The following CYTH2 variants were observed in gnomAD, a reference collection of about 807,000 sequenced individuals.
The protein encoded by CYTH2 is cytohesin-2.
Under a neutral mutation model 55.4 loss-of-function variants are expected in CYTH2, and 24 were observed. The ratio of observed to expected loss-of-function variants is 0.43; its 90% CI spans 0.31 to 0.61. The LOEUF is 0.61. Among genes scored for constraint, CYTH2 ranks in the 20% least tolerant of loss-of-function variants. The probability of loss-of-function intolerance (pLI) is 0.08; values close to 1 mark genes in which losing one functional copy is unlikely to be tolerated. For missense variants in CYTH2, 378 were observed against 533.5 expected (o/e 0.71, Z 2.87); for synonymous variants, 221 against 209.6 (o/e 1.05, Z -0.47).
chr19:48,474,026 C>A lies in CYTH2; in HGVS notation c.547+9C>A, dbSNP rs369066635. 9 of 1,598,058 alleles carry A rather than the reference C, an allele frequency of 5.6e-6. No homozygotes were observed. Among genetic ancestry groups the A allele is most frequent in the Non-Finnish European group, 4.3e-6 (5 of 1,172,690 alleles). On this transcript the variant is annotated intron_variant, in intron 6 of 11. Transcript: ENST00000452733. The surrounding 1 kb of genome is among the most constrained non-coding windows in gnomAD (Gnocchi z 4.9). The stretch of plus-strand genomic sequence containing the variant: ...GGTTTTCCAGTCCACAGGTGCGGGC[C>A]CCAAATCCTGGGTCCTGGGAAAGAG...
rs1357116763 is a variant in CYTH2 at position 48,470,459 on chromosome 19, A to G, written c.126A>G (p.Glu42=). The G allele has an allele frequency of 6.2e-7, 1 of 1,613,968 alleles. No homozygotes were observed. Among genetic ancestry groups the G allele is most frequent in the Non-Finnish European group, 8.5e-7 (1 of 1,179,992 alleles). The change falls in exon 2 of 12, where the codon GAA becomes GAG. Residue 42 remains glutamate (E), a synonymous_variant. Coordinates refer to ENST00000452733, the MANE Select transcript of CYTH2 (RefSeq NM_004228.7). The part of the protein sequence containing the change: ...EIQRLREELS[E]AMSEVEGLEA... The stretch of plus-strand genomic sequence containing the variant: ...AGCGCCTGCGGGAGGAGCTCAGTGA[A>G]GCCATGAGCGAGGTGGAGGGGCTGG...
chr19:48,474,940 C>G lies in CYTH2; in HGVS notation c.799C>G (p.Leu267Val). 1 of 1,614,230 alleles carries G rather than the reference C, an allele frequency of 6.2e-7. No homozygotes were observed. The highest frequency in any genetic ancestry group is 1.7e-5 in the Admixed American group (1 of 60,022). ...CAACCCGGACCGGGAGGGCTGGCTC[C>G]TGAAGCTGGGTACGTGCCCTCCCGA... is the stretch of plus-strand genomic sequence containing the variant. ...FFNPDREGWL[L>V]KLGGRVKTWK... is the part of the protein sequence containing the mutation. Residue 267 changes from leucine to valine, a missense_variant, in exon 8 of 12, where the codon CTG becomes GTG. Transcript: ENST00000452733. The surrounding 1 kb of genome is among the most constrained non-coding windows in gnomAD (Gnocchi z 4.9).
rs1394198902 is a variant in CYTH2, at chr19:48,481,709, C to G, written c.*2499C>G. The G allele has an allele frequency of 6.5e-6, 1 of 153,460 alleles. No homozygotes were observed. The highest frequency in any genetic ancestry group is 1.5e-5 in the Non-Finnish European group (1 of 68,868). 9.5% of individuals were successfully genotyped at this position (153,460 alleles called of 1,614,324 possible). A position where few individuals can be genotyped will look rare whatever the true frequency, so the allele number is the denominator to read the frequency against. On this transcript the variant is annotated 3_prime_UTR_variant, in exon 12 of 12. Transcript: ENST00000452733. The stretch of plus-strand genomic sequence containing the variant: ...TGTATTTTTAGTAGAGACGGGGTTT[C>G]ACCATATTGGCCAAGCTGGTCTCGA...
chr19:48,475,060 G>A (rs978359441), intron 8 of CYTH2, 111 bp downstream of exon 8: 6 of 955,038 alleles, frequency 6.3e-6, no homozygotes, highest in South Asian at 4.8e-5. Context: ...CAAATGATTC[G>A]ACCTCTCTGA....
chr19:48,470,540 G>C, intron 2 of CYTH2, 40 bp downstream of exon 2: 4 of 1,614,000 alleles, frequency 2.5e-6, no homozygotes, highest in Non-Finnish European at 3.4e-6. Context: ...CGTGGGGTTG[G>C]CTGAGGCCAG....
At chr19:48,473,848 A>C in intron 5 of CYTH2, 57 bp from the exon 6 acceptor site, 1 of 1,371,022 alleles carries the variant, frequency 7.3e-7, no homozygotes, top group South Asian at 1.4e-5. Context: ...AGGGACTGAG[A>C]GTGGGGACAG....
chr19:48,471,269 AG>A (rs1327875888), intron 3 of CYTH2, among the ~76,000 whole-genome samples: 1 of 151,534 alleles, frequency 6.6e-6, no homozygotes, highest in African/African-American at 2.4e-5. Flanking sequence ...CTCCTGCCTC[AG>A]CCTCCCAAGT....
At chr19:48,478,997 G>A (rs1971997884) in intron 11 of CYTH2, 126 bp from the exon 12 acceptor site, 1 of 919,636 alleles carries the variant, frequency 1.1e-6, no homozygotes, top group Non-Finnish European at 1.7e-6. Flanking sequence ...GAGGGGCCGG[G>A]GGCCTGGACT....
intron 4 of CYTH2, 81 bp downstream of exon 4, chr19:48,472,524 C>T: frequency 8.8e-7 from 1 of 1,131,758 alleles, no homozygotes; most frequent in African/African-American, 1.5e-5. Context: ...TGGCAGCTCA[C>T]AGGTGGAACA....
At chr19:48,469,759 G>T in intron 1 of CYTH2, 1 of 590,628 alleles carries the variant, frequency 1.7e-6, no homozygotes. Flanking sequence ...GGAGGGGCGG[G>T]ATGGAGTGGT....
intron 5 of CYTH2, 178 bp from the exon 6 acceptor site, chr19:48,473,727 C>G: frequency 1.6e-6 from 1 of 615,620 alleles, no homozygotes; most frequent in Non-Finnish European, 2.9e-6. Context: ...TGTAGGGATT[C>G]ACAACACTCC....
At chr19:48,475,302 C>T (rs1601024961) in intron 8 of CYTH2, 2 of 225,680 alleles carry the variant, frequency 8.9e-6, no homozygotes, top group Non-Finnish European at 1.7e-5. Flanking sequence ...TAACCCAGCC[C>T]GAGGGAGCCA....
chr19:48,474,060 G>T lies in CYTH2; in HGVS notation c.547+43G>T. 1 of 1,569,380 alleles carries T rather than the reference G, an allele frequency of 6.4e-7. No homozygotes were observed. Among genetic ancestry groups the T allele is most frequent in the Non-Finnish European group, 8.6e-7 (1 of 1,158,242 alleles). ...TGGGTCCTGGGAAAGAGGAGACTGGGGCCCAGACTCCTAGGTCTGAGGGAG... is the reference window on the plus strand; with the variant it reads ...TGGGTCCTGGGAAAGAGGAGACTGGTGCCCAGACTCCTAGGTCTGAGGGAG... On this transcript the variant is annotated intron_variant, in intron 6 of 11. Transcript: ENST00000452733. This position sits in a 1 kb window ranked among gnomAD's most constrained non-coding sequence, Gnocchi z 4.9.
intron 3 of CYTH2, among the ~76,000 whole-genome samples, chr19:48,471,375 C>T (rs1971789570): frequency 6.6e-6 from 1 of 152,130 alleles, no homozygotes; most frequent in Non-Finnish European, 1.5e-5. Context: ...TGCTTCCAAA[C>T]TCCTGACGTC....
At chr19:48,471,546 C>G (rs1971794169) in intron 3 of CYTH2, among the ~76,000 whole-genome samples, 1 of 152,192 alleles carries the variant, frequency 6.6e-6, no homozygotes, top group African/African-American at 2.4e-5. Flanking sequence ...GAATTAGATG[C>G]TGCCTTGTGC....
In CYTH2 at chr19:48,470,506, G is replaced by T. The variant is rs777160740; in HGVS notation, c.167+6G>T. 2.9e-5 allele frequency: 46 copies of T among 1,613,734 alleles called. No individual in the cohort carries two copies. The highest frequency in any genetic ancestry group is 3.9e-5 in the Non-Finnish European group (46 of 1,179,722). ...CTGGAGGCCAATGAGGGCAGGTGAG[G>T]GCTGGGGCGGATGACCTAGGGGGCG... On this transcript the variant is annotated splice_donor_region_variant and intron_variant, in intron 2 of 11. Transcript: ENST00000452733.
At position 48,479,408 on chromosome 19, in the gene CYTH2, C is replaced by G. The variant is rs1039110505; in HGVS notation, c.*198C>G. 5.1e-6 allele frequency: 3 copies of G among 591,194 alleles called. No homozygotes were observed. The African/African-American group carries it at 5.6e-5, about 11-fold the overall frequency. 36.6% of individuals were successfully genotyped at this position (591,194 alleles called of 1,614,324 possible). The stretch of plus-strand genomic sequence containing the variant: ...ACTTGGCCTGCTGACCCCCTCATTT[C>G]TTGGGGTTGACAGAGTCGAGGTGCT... On this transcript the variant is annotated 3_prime_UTR_variant, in exon 12 of 12. Coordinates refer to ENST00000452733, the MANE Select transcript of CYTH2 (RefSeq NM_004228.7).
At position 48,470,036 on chromosome 19, in the gene CYTH2, C is replaced by G. The variant is rs899610422; in HGVS notation, c.20-317C>G. On this transcript the variant is annotated intron_variant, in intron 1 of 11. Transcript: ENST00000452733. ...AGTCAGAAAACCAAGGCCTCAGTCC[C>G]CTTCCAAGTAATGGACCTAGAAGCC... 6 of 602,346 alleles carry G rather than the reference C, an allele frequency of 1.0e-5. No individual in the cohort carries two copies. In the African/African-American group the frequency reaches 1.1e-4, roughly 11 times the overall value. 37.3% of individuals were successfully genotyped at this position (602,346 alleles called of 1,614,324 possible). A position where few individuals can be genotyped will look rare whatever the true frequency, so the allele number is the denominator to read the frequency against.
chr19:48,476,192 C>A, intron 8 of CYTH2: 1 of 291,890 alleles, frequency 3.4e-6, no homozygotes, highest in Non-Finnish European at 7.0e-6. Flanking sequence ...AATTTCAGCA[C>A]TTTGGGAGGA....
Sources: gnomAD v4.1 joint callset for allele counts (sites outside exome capture counted in the v4.1 genomes callset) on GRCh38, gnomAD v4.1.1 for gene constraint, Gnocchi (gnomAD v3.1) non-coding constraint, MANE v1.5 for transcripts, NCBI Gene and HGNC (gene_info 2026-07-23, HGNC 2026-07-21) for gene names.